PTPRD: variants seen among roughly 807,000 people sequenced by gnomAD.
PTPRD encodes protein tyrosine phosphatase receptor type D, also known as receptor-type tyrosine-protein phosphatase delta.
In PTPRD, 34 loss-of-function variants were observed where a neutral mutation model predicts 214.5. That is an observed-to-expected ratio of 0.16 (90% CI 0.12 to 0.21). The LOEUF is 0.21. PTPRD is among the 10% of genes least tolerant of loss of function. The pLI is 1.00. For missense variants in PTPRD, 2,545 were observed against 2,398.7 expected (o/e 1.06, Z -1.27); for synonymous variants, 1,128 against 845.7 (o/e 1.33, Z -5.79).
At chr9:8,655,086 A>G (rs1268084665) in intron 12 of PTPRD, among the ~76,000 whole-genome samples, 1 of 152,208 alleles carries the variant, frequency 6.6e-6, no homozygotes, top group Non-Finnish European at 1.5e-5. Context: ...CAACGATTCA[A>G]AAAAATTAAA....
intron 3 of PTPRD, among the ~76,000 whole-genome samples, chr9:10,110,772 G>C (rs952832612): frequency 2.0e-5 from 3 of 152,114 alleles, no homozygotes; most frequent in African/African-American, 7.2e-5. Flanking sequence ...CTAATTGAGA[G>C]AAAAAACAGT....
At position 8,544,851 on chromosome 9, in the gene PTPRD, C is replaced by A. The variant is rs951010376; in HGVS notation, c.353-16072G>T. On this transcript the variant is annotated intron_variant, in intron 14 of 45. Coordinates refer to ENST00000381196, the MANE Select transcript of PTPRD (RefSeq NM_002839.4). ...TTGCATGATTTCTCACAGACTTAAT[C>A]CTTTGACAATAACAGCTGGGTCATA... Among the ~76,000 whole-genome samples, 139 of 149,678 alleles carry A rather than the reference C, an allele frequency of 9.3e-4. 1 individual carries two copies. The highest frequency in any genetic ancestry group is 3.2e-3 in the African/African-American group (132 of 40,716).
chr9:10,570,534 G>C (rs913230413), intron 2 of PTPRD, among the ~76,000 whole-genome samples: 1 of 151,988 alleles, frequency 6.6e-6, no homozygotes, highest in Non-Finnish European at 1.5e-5. Context: ...GAATTCTGAA[G>C]AACTTAGATC....
chr9:10,203,959 G>A (rs2099449575), intron 3 of PTPRD, among the ~76,000 whole-genome samples: 1 of 152,140 alleles, frequency 6.6e-6, no homozygotes, highest in African/African-American at 2.4e-5. Context: ...CCTCAATTTT[G>A]TTAGGATTTG....
chr9:8,457,251 G>A (rs967287879), intron 33 of PTPRD, among the ~76,000 whole-genome samples: 4 of 152,042 alleles, frequency 2.6e-5, no homozygotes, highest in South Asian at 2.1e-4. Flanking sequence ...ACTTGGATTC[G>A]GGTTTCTTGG....
At chr9:9,538,051 T>C (rs2154269630) in intron 8 of PTPRD, among the ~76,000 whole-genome samples, 1 of 152,032 alleles carries the variant, frequency 6.6e-6, no homozygotes, top group South Asian at 2.1e-4. Context: ...GAATCTGGAC[T>C]GGAGTCAGAC....
intron 4 of PTPRD, among the ~76,000 whole-genome samples, chr9:9,947,577 ATATATATAT>A (rs2092923936): frequency 2.2e-5 from 1 of 44,586 alleles, no homozygotes; most frequent in Non-Finnish European, 3.4e-5. Flanking sequence ...TATATATATT[ATATATATAT>A]TATATATATA....
intron 9 of PTPRD, among the ~76,000 whole-genome samples, chr9:9,381,959 C>T (rs999526945): frequency 6.6e-6 from 1 of 151,380 alleles, no homozygotes; most frequent in African/African-American, 2.4e-5. Context: ...ATGTATAGAT[C>T]ACTATAGGTA....
At chr9:9,831,913 G>C (rs1476237864) in intron 5 of PTPRD, among the ~76,000 whole-genome samples, 1 of 151,912 alleles carries the variant, frequency 6.6e-6, no homozygotes, top group South Asian at 2.1e-4. Flanking sequence ...TTCTTGGCTG[G>C]TTGGCAAAAA....
At chr9:9,350,592 A>G (rs1197961400) in intron 9 of PTPRD, among the ~76,000 whole-genome samples, 1 of 151,990 alleles carries the variant, frequency 6.6e-6, no homozygotes, top group Admixed American at 6.6e-5. Flanking sequence ...TTTTGTATAC[A>G]TTGGTCATAA....
intron 7 of PTPRD, among the ~76,000 whole-genome samples, chr9:9,716,293 G>A (rs1186922810): frequency 5.9e-5 from 9 of 151,834 alleles, no homozygotes; most frequent in Non-Finnish European, 1.0e-4. Context: ...TTGCTATTGT[G>A]AATAGTGCTG....
chr9:9,816,795 T>G (rs969209219), intron 5 of PTPRD, among the ~76,000 whole-genome samples: 2 of 151,920 alleles, frequency 1.3e-5, no homozygotes, highest in African/African-American at 2.4e-5. Context: ...GATAGTGAAC[T>G]GGAAAAAAAA....
chr9:8,802,773 T>C (rs766850255), intron 11 of PTPRD, among the ~76,000 whole-genome samples: 4 of 152,194 alleles, frequency 2.6e-5, no homozygotes, highest in Non-Finnish European at 5.9e-5. Context: ...GGAGATGGGC[T>C]AGGAGTGGTG....
intron 9 of PTPRD, among the ~76,000 whole-genome samples, chr9:9,218,519 T>G (rs1345921589): frequency 6.6e-6 from 1 of 152,120 alleles, no homozygotes; most frequent in African/African-American, 2.4e-5. Flanking sequence ...TCTGACAATT[T>G]TAGGTACAGA....
chr9:8,790,476 G>A (rs376159875), intron 11 of PTPRD, among the ~76,000 whole-genome samples: 17 of 152,120 alleles, frequency 1.1e-4, no homozygotes, highest in African/African-American at 4.1e-4. Context: ...GTAGTGCAGT[G>A]GTGCGATCTT....
intron 5 of PTPRD, among the ~76,000 whole-genome samples, chr9:9,931,392 G>A (rs534624016): frequency 3.3e-4 from 51 of 152,290 alleles, no homozygotes; most frequent in African/African-American, 1.2e-3. Flanking sequence ...GCCGAAGCAG[G>A]GCGAGGCATT....
At chr9:9,928,905 T>A (rs1047978822) in intron 5 of PTPRD, among the ~76,000 whole-genome samples, 1 of 152,172 alleles carries the variant, frequency 6.6e-6, no homozygotes, top group Non-Finnish European at 1.5e-5. Context: ...ACTTATAAAG[T>A]ACTTAAACAT....
At chr9:9,926,836 T>A (rs1015389006) in intron 5 of PTPRD, among the ~76,000 whole-genome samples, 1 of 152,180 alleles carries the variant, frequency 6.6e-6, no homozygotes, top group African/African-American at 2.4e-5. Context: ...AATTTGTATT[T>A]TAAGCTGTAC....
intron 8 of PTPRD, among the ~76,000 whole-genome samples, chr9:9,557,067 A>C (rs1437200928): frequency 2.0e-5 from 3 of 152,186 alleles, no homozygotes; most frequent in Non-Finnish European, 4.4e-5. Flanking sequence ...AACGTCCATC[A>C]ATGGAAGAAA....
Sources: gnomAD v4.1 joint callset for allele counts (sites outside exome capture counted in the v4.1 genomes callset) on GRCh38, gnomAD v4.1.1 for gene constraint, MANE v1.5 for transcripts, NCBI Gene and HGNC (gene_info 2026-07-23, HGNC 2026-07-21) for gene names.